The following VPS25 variants were observed in gnomAD, a reference collection of about 807,000 sequenced individuals.
VPS25 encodes the protein vacuolar protein-sorting-associated protein 25.
A neutral mutation model predicts 30.3 loss-of-function variants in VPS25; 21 were observed. That is an observed-to-expected ratio of 0.69 (90% CI 0.49 to 1.00). The LOEUF is 1.00. Ranked by LOEUF, VPS25 falls within the 50% of genes least tolerant of loss-of-function variation. The pLI is 0.00. For synonymous variants in VPS25, 101 were observed against 88.1 expected, an observed-to-expected ratio of 1.15 and a Z score of -0.82; for missense variants, 156 against 217.2, an observed-to-expected ratio of 0.72 and a Z score of 1.77.
In VPS25 at chr17:42,779,493, C is replaced by T. The variant is rs1176982764; in HGVS notation, c.*424C>T. 1.2e-5 allele frequency: 2 copies of T among 172,584 alleles called. No homozygotes were observed. The highest frequency in any genetic ancestry group is 5.5e-5 in the Admixed American group (1 of 18,306). 10.7% of individuals were successfully genotyped at this position (172,584 alleles called of 1,614,324 possible). A position where few individuals can be genotyped will look rare whatever the true frequency, so the allele number is the denominator to read the frequency against. ...TCCTTCCTAGGGGATGGGGGAAGCC[C>T]TGGCTGCAGGCAGCCTTCCAGGCAA... is the stretch of plus-strand genomic sequence containing the variant. On this transcript the variant is annotated 3_prime_UTR_variant, in exon 6 of 6. Transcript: ENST00000253794.
rs761026447 is a variant in VPS25 at position 42,779,007 on chromosome 17, C to A, written c.469C>A (p.Gln157Lys). ...TCTACTGCGGGCTCTGCAGGCCCTA[C>A]AGCAGGAGCACAAGGCCGAGATCAT... is the stretch of plus-strand genomic sequence containing the variant. ...ATLLRALQAL[Q>K]QEHKAEIITV... The change falls in exon 6 of 6, where the codon CAG (glutamine) becomes AAG (lysine). Residue 157 changes from glutamine (Q) to lysine (K), a missense_variant. Gln to Lys is a moderately conservative substitution (Grantham distance 53). Transcript: ENST00000253794. 6.2e-7 allele frequency: 1 copy of A among 1,611,934 alleles called. No homozygotes were observed. Among genetic ancestry groups the A allele is most frequent in the Non-Finnish European group, 8.5e-7 (1 of 1,179,172 alleles).
Position 42,779,452 on chromosome 17 carries a change from T to G in VPS25, c.*383T>G. ...CCTTTAGCTGCTGTTGCCTCCCTTC[T>G]CAGGCTGGTGCTGGATCCTTCCTAG... On this transcript the variant is annotated 3_prime_UTR_variant, in exon 6 of 6. Coordinates refer to ENST00000253794, the MANE Select transcript of VPS25 (RefSeq NM_032353.4). 4.8e-6 allele frequency: 1 copy of G among 206,576 alleles called. No homozygotes were observed. The highest frequency in any genetic ancestry group is 1.0e-5 in the Non-Finnish European group (1 of 98,072). 12.8% of individuals were successfully genotyped at this position (206,576 alleles called of 1,614,324 possible). A position where few individuals can be genotyped will look rare whatever the true frequency, so the allele number is the denominator to read the frequency against.
intron 5 of VPS25, among the ~76,000 whole-genome samples, chr17:42,778,115 G>A (rs932730111): frequency 4.6e-5 from 7 of 152,108 alleles, no homozygotes; most frequent in Admixed American, 3.9e-4. Flanking sequence ...GGGCTTGCCT[G>A]CTGCCTCCCA....
At chr17:42,774,131 C>T (rs1035320544) in intron 2 of VPS25, 5 of 414,780 alleles carry the variant, frequency 1.2e-5, no homozygotes, top group Non-Finnish European at 2.1e-5. Context: ...AAGCCAAGTT[C>T]CAAGTTTTTT....
At chr17:42,776,190 C>T in intron 4 of VPS25, 55 bp from the exon 5 acceptor site, 2 of 1,484,862 alleles carry the variant, frequency 1.3e-6, no homozygotes, top group East Asian at 2.3e-5. Flanking sequence ...GATGAATTTA[C>T]TGTCTCCCAG....
rs775588218 is a variant in VPS25, at chr17:42,773,468, C to T, written c.-8C>T. ...GCCGGTAGCTTCCGGGTTTCCTGGGCTACTACGATGGCGATGAGTTTCGAG... is the reference window on the plus strand; with the variant it reads ...GCCGGTAGCTTCCGGGTTTCCTGGGTTACTACGATGGCGATGAGTTTCGAG... On this transcript the variant is annotated 5_prime_UTR_variant, in exon 1 of 6. Coordinates refer to ENST00000253794, the MANE Select transcript of VPS25 (RefSeq NM_032353.4). 16 of 1,614,190 alleles carry T rather than the reference C, an allele frequency of 9.9e-6. No homozygotes were observed. Among genetic ancestry groups the T allele is most frequent in the Non-Finnish European group, 1.3e-5 (15 of 1,180,036 alleles).
At chr17:42,775,327 A>G in intron 3 of VPS25, 54 bp from the exon 4 acceptor site, 3 of 1,483,422 alleles carry the variant, frequency 2.0e-6, no homozygotes, top group Non-Finnish European at 2.8e-6. Context: ...TTGGCCTCCC[A>G]AAGTGTAAGC....
Position 42,773,902 on chromosome 17 carries a change from C to A in VPS25, c.199+24C>A, listed in dbSNP as rs771561061. The A allele has an allele frequency of 3.7e-6, 6 of 1,605,380 alleles. No individual in the cohort carries two copies. In the South Asian group the frequency reaches 5.5e-5, roughly 15 times the overall value. On this transcript the variant is annotated intron_variant, in intron 2 of 5. Coordinates refer to ENST00000253794, the MANE Select transcript of VPS25 (RefSeq NM_032353.4). Reference sequence around the variant, plus strand: ...GCGTATCCTCCCTCAGGCTCTTCCACAGCCCATACACATGCACTTCTGCGC... The same window carrying A: ...GCGTATCCTCCCTCAGGCTCTTCCAAAGCCCATACACATGCACTTCTGCGC...
chr17:42,776,858 A>G (rs917370837), intron 5 of VPS25, among the ~76,000 whole-genome samples: 2 of 152,086 alleles, frequency 1.3e-5, no homozygotes, highest in Non-Finnish European at 2.9e-5. Context: ...ATGCATGTGC[A>G]TTTTTCTAGG....
At chr17:42,774,476 T>C (rs968070621) in intron 2 of VPS25, 170 bp from the exon 3 acceptor site, 2 of 481,066 alleles carry the variant, frequency 4.2e-6, no homozygotes, top group East Asian at 3.0e-5. Context: ...AGTTTCTCTT[T>C]ACCTTCCTCC....
In VPS25 at chr17:42,779,194, A is replaced by G; in HGVS notation, c.*125A>G. 1.2e-6 allele frequency: 1 copy of G among 854,026 alleles called. No homozygotes were observed. Among genetic ancestry groups the G allele is most frequent in the Non-Finnish European group, 1.9e-6 (1 of 539,528 alleles). The allele number at this position is 854,026 out of a possible 1,614,324, so 52.9% of individuals were successfully genotyped here. ...CAGACTCAAAAGGACTCCAGTCCTGAAGGCTGGGACCTGGGGATGGGTTTC... is the reference window on the plus strand; with the variant it reads ...CAGACTCAAAAGGACTCCAGTCCTGGAGGCTGGGACCTGGGGATGGGTTTC... On this transcript the variant is annotated 3_prime_UTR_variant, in exon 6 of 6. Transcript: ENST00000253794.
Position 42,773,528 on chromosome 17 carries a change from C to T in VPS25, c.53C>T (p.Thr18Met), listed in dbSNP as rs777692182. The T allele has an allele frequency of 2.9e-5, 47 of 1,614,188 alleles. No homozygotes were observed. Among genetic ancestry groups the T allele is most frequent in the Non-Finnish European group, 3.8e-5 (45 of 1,180,022 alleles). ...CAGTATCGCTTCCCACCCTTCTTTA[C>T]GTGAGGCTCAGACCCCAAGAAGCAC... ...PWQYRFPPFF[T>M]LQPNVDTRQK... The change falls in exon 1 of 6, where the codon ACG becomes ATG. Residue 18 changes from threonine (T) to methionine (M), a missense_variant and splice_region_variant. Thr to Met is a moderately conservative substitution (Grantham distance 81). Transcript: ENST00000253794.
intron 5 of VPS25, among the ~76,000 whole-genome samples, chr17:42,776,892 T>C (rs574523455): frequency 6.6e-6 from 1 of 152,338 alleles, no homozygotes. Flanking sequence ...TTACAAGATT[T>C]CCAAGGGCAT....
intron 1 of VPS25, 54 bp from the exon 2 acceptor site, chr17:42,773,679 G>T (rs2054421583): frequency 6.2e-7 from 1 of 1,605,808 alleles, no homozygotes; most frequent in African/African-American, 1.3e-5. Context: ...TGCGTCCCGG[G>T]CAAGTGCTGC....
rs2054455281 is a variant in VPS25 at position 42,779,253 on chromosome 17, G to A, written c.*184G>A. On this transcript the variant is annotated 3_prime_UTR_variant, in exon 6 of 6. Transcript: ENST00000253794. ...CATATGTCTGTCCCTTGGATAGGGT[G>A]AGGCTGAAGCACCAGGGAGAAAATA... The A allele has an allele frequency of 1.8e-6, 1 of 570,332 alleles. No individual in the cohort carries two copies. The highest frequency in any genetic ancestry group is 3.1e-6 in the Non-Finnish European group (1 of 317,926). 35.3% of individuals were successfully genotyped at this position (570,332 alleles called of 1,614,324 possible).
intron 3 of VPS25, 36 bp from the exon 4 acceptor site, chr17:42,775,345 C>G: frequency 6.3e-7 from 1 of 1,579,392 alleles, no homozygotes; most frequent in Non-Finnish European, 8.7e-7. Context: ...AGCCACTGCG[C>G]GCCTGGTTAT....
At chr17:42,776,346 A>G (rs899127672) in intron 5 of VPS25, 26 bp downstream of exon 5, 1 of 1,604,624 alleles carries the variant, frequency 6.2e-7, no homozygotes, top group Non-Finnish European at 8.5e-7. Flanking sequence ...TCCCACTCAT[A>G]GTTAATTTTT....
chr17:42,775,805 C>A (rs2054432401), intron 4 of VPS25, among the ~76,000 whole-genome samples: 1 of 152,118 alleles, frequency 6.6e-6, no homozygotes, highest in Non-Finnish European at 1.5e-5. Context: ...GGGGCCCCTC[C>A]CCCACTGCAC....
intron 2 of VPS25, 22 bp from the exon 3 acceptor site, chr17:42,774,624 C>G: frequency 4.3e-6 from 7 of 1,609,666 alleles, no homozygotes; most frequent in Non-Finnish European, 5.9e-6. Flanking sequence ...ATGTGTATGC[C>G]GTTCCCTTAA....
Sources: gnomAD v4.1 joint callset for allele counts (sites outside exome capture counted in the v4.1 genomes callset) on GRCh38, gnomAD v4.1.1 for gene constraint, MANE v1.5 for transcripts, NCBI Gene and HGNC (gene_info 2026-07-23, HGNC 2026-07-21) for gene names.